The following PDE1A variants were observed in gnomAD, a reference collection of about 807,000 sequenced individuals.
The protein encoded by PDE1A is phosphodiesterase 1A.
Under a neutral mutation model 61.7 loss-of-function variants are expected in PDE1A, and 35 were observed. The observed-to-expected ratio is 0.57, with a 90% confidence interval of 0.43 to 0.75. The LOEUF is 0.75. Ranked by LOEUF, PDE1A falls within the 30% of genes least tolerant of loss-of-function variation. The pLI is 0.00. For missense variants in PDE1A, 597 were observed against 630.6 expected (o/e 0.95, Z 0.57); for synonymous variants, 232 against 213.2 (o/e 1.09, Z -0.77).
chr2:182,462,670 G>GT (rs1470900137), intron 2 of PDE1A, among the ~76,000 whole-genome samples: 5 of 152,088 alleles, frequency 3.3e-5, no homozygotes, highest in African/African-American at 1.2e-4. Flanking sequence ...AAAAAAGGGT[G>GT]TAAGCAGGGA....
chr2:182,445,765 T>C (rs1041544935), intron 2 of PDE1A, among the ~76,000 whole-genome samples: 1 of 152,148 alleles, frequency 6.6e-6, no homozygotes, highest in Non-Finnish European at 1.5e-5. Flanking sequence ...TTTCCATTAT[T>C]GAAGCTTAAA....
intron 10 of PDE1A, among the ~76,000 whole-genome samples, chr2:182,200,922 C>G (rs946873768): frequency 3.3e-5 from 5 of 152,166 alleles, no homozygotes; most frequent in African/African-American, 1.2e-4. Context: ...AAGATGTGTA[C>G]TTGTGGCAGA....
intron 1 of PDE1A, among the ~76,000 whole-genome samples, chr2:182,320,208 T>C (rs1049751847): frequency 2.0e-5 from 3 of 152,192 alleles, no homozygotes; most frequent in African/African-American, 7.2e-5. Context: ...TATAGGAAGA[T>C]ACTGTCCAGT....
the PDE1A span, among the ~76,000 whole-genome samples, chr2:182,559,865 C>T: frequency 2.6e-5 from 4 of 152,060 alleles, no homozygotes; most frequent in Non-Finnish European, 1.5e-5. Context: ...AAGCCAGTTA[C>T]AAAAGAATGC....
chr2:182,143,222 A>G (rs540003727), downstream of PDE1A, among the ~76,000 whole-genome samples: 8 of 152,288 alleles, frequency 5.3e-5, no homozygotes, highest in African/African-American at 1.2e-4. Context: ...TGCTGCTAAG[A>G]GAGATTTTAA....
At chr2:182,542,187 C>T in the PDE1A span, among the ~76,000 whole-genome samples, 254 of 152,114 alleles carry the variant, frequency 1.7e-3, no homozygotes, top group Non-Finnish European at 2.9e-3. Flanking sequence ...TATACCTATG[C>T]GATTTCAGAG....
chr2:182,687,254 C>A, the PDE1A span, among the ~76,000 whole-genome samples: 1 of 152,318 alleles, frequency 6.6e-6, no homozygotes, highest in Non-Finnish European at 1.5e-5. Context: ...GTCCCTGACC[C>A]CCAAGTAGCC....
the PDE1A span, among the ~76,000 whole-genome samples, chr2:182,605,255 G>T: frequency 2.0e-5 from 3 of 152,070 alleles, no homozygotes; most frequent in African/African-American, 7.2e-5. Context: ...ACCCATCAGG[G>T]CTGCTAATCA....
chr2:182,316,692 A>G (rs1405624580), intron 1 of PDE1A, among the ~76,000 whole-genome samples: 5 of 152,224 alleles, frequency 3.3e-5, no homozygotes, highest in African/African-American at 2.4e-5. Flanking sequence ...AAACTGCATG[A>G]CAATAAATAT....
chr2:182,504,237 T>C (rs1359832406), intron 2 of PDE1A, among the ~76,000 whole-genome samples: 1 of 152,208 alleles, frequency 6.6e-6, no homozygotes, highest in Non-Finnish European at 1.5e-5. Context: ...TGAATTTCTC[T>C]TTCTAAGGAA....
At chr2:182,557,617 T>C in the PDE1A span, among the ~76,000 whole-genome samples, 42 of 151,912 alleles carry the variant, frequency 2.8e-4, no homozygotes, top group African/African-American at 9.4e-4. Context: ...GAGGCTGAGG[T>C]GGGAAGATGG....
At chr2:182,630,629 T>A in the PDE1A span, among the ~76,000 whole-genome samples, 1 of 152,228 alleles carries the variant, frequency 6.6e-6, no homozygotes, top group African/African-American at 2.4e-5. Flanking sequence ...ATCAGTTTGA[T>A]GGTTCTAATT....
intron 2 of PDE1A, among the ~76,000 whole-genome samples, chr2:182,455,517 A>C (rs1296548218): frequency 6.6e-6 from 1 of 152,136 alleles, no homozygotes; most frequent in Non-Finnish European, 1.5e-5. Flanking sequence ...CAAATGTCCA[A>C]CAATGATAGA....
chr2:182,203,131 C>T (rs772611611), intron 8 of PDE1A, among the ~76,000 whole-genome samples: 10 of 151,862 alleles, frequency 6.6e-5, no homozygotes, highest in East Asian at 5.8e-4. Flanking sequence ...CTGGCTAACA[C>T]GGTGAAACCC....
At chr2:182,219,361 A>C (rs991552020) in intron 7 of PDE1A, among the ~76,000 whole-genome samples, 1 of 152,018 alleles carries the variant, frequency 6.6e-6, no homozygotes, top group African/African-American at 2.4e-5. Flanking sequence ...TAAGCCTGAA[A>C]TATTTCAAGC....
At chr2:182,146,176 A>G (rs1436976874), downstream of PDE1A, among the ~76,000 whole-genome samples, 2 of 152,226 alleles carry the variant, frequency 1.3e-5, no homozygotes, top group Non-Finnish European at 2.9e-5. Flanking sequence ...GTGGACAGAA[A>G]TATCAACAGA....
the PDE1A span, among the ~76,000 whole-genome samples, chr2:182,609,168 CTG>C: frequency 5.9e-5 from 9 of 152,196 alleles, no homozygotes; most frequent in African/African-American, 1.9e-4. Context: ...AATCGACACT[CTG>C]TATCTAGCTA....
intron 1 of PDE1A, among the ~76,000 whole-genome samples, chr2:182,425,343 C>A (rs1395893805): frequency 1.3e-5 from 2 of 152,046 alleles, no homozygotes; most frequent in African/African-American, 4.8e-5. Flanking sequence ...ATTGGAAGAA[C>A]TTTTTAGGAA....
intron 1 of PDE1A, among the ~76,000 whole-genome samples, chr2:182,306,088 G>C (rs1695564650): frequency 6.6e-6 from 1 of 151,896 alleles, no homozygotes; most frequent in Admixed American, 6.6e-5. Flanking sequence ...GTTTCTTTGA[G>C]CTCAATTGTT....
Sources: gnomAD v4.1 joint callset for allele counts (sites outside exome capture counted in the v4.1 genomes callset) on GRCh38, gnomAD v4.1.1 for gene constraint, MANE v1.5 for transcripts, NCBI Gene and HGNC (gene_info 2026-07-23, HGNC 2026-07-21) for gene names.